AGBL4: variants seen among roughly 807,000 people sequenced by gnomAD.
The protein encoded by AGBL4 is AGBL carboxypeptidase 4, also known as cytosolic carboxypeptidase 6.
In AGBL4, 58 loss-of-function variants were observed where a neutral mutation model predicts 66.4. The observed-to-expected ratio is 0.87, with a 90% confidence interval of 0.71 to 1.09. AGBL4 has a LOEUF of 1.09. Among genes scored for constraint, AGBL4 ranks in the 50% least tolerant of loss-of-function variants. The pLI is 0.00. For missense variants in AGBL4, 579 were observed against 631.0 expected, an observed-to-expected ratio of 0.92 and a Z score of 0.88; for synonymous variants, 234 against 222.9, an observed-to-expected ratio of 1.05 and a Z score of -0.44.
In AGBL4 at chr1:49,984,108, T is replaced by C. The variant is rs111764553; in HGVS notation, c.34+39655A>G. Among the ~76,000 whole-genome samples, 668 of 152,316 alleles carry C rather than the reference T, an allele frequency of 4.4e-3. 9 individuals carry two copies. Among genetic ancestry groups the C allele is most frequent in the African/African-American group, 0.015 (626 of 41,572 alleles). On this transcript the variant is annotated intron_variant, in intron 1 of 13. Coordinates refer to ENST00000371839, the MANE Select transcript of AGBL4 (RefSeq NM_032785.4). ...GGGTAAAGTCAGGCACTCCTATACT[T>C]AACGAATAAACTATGTTCTAACTGC...
chr1:49,411,416 A>C (rs564855311), intron 3 of AGBL4, among the ~76,000 whole-genome samples: 1 of 152,312 alleles, frequency 6.6e-6, no homozygotes, highest in Admixed American at 6.5e-5. Flanking sequence ...CACTGACTCA[A>C]ATGTTAATCT....
At position 48,949,085 on chromosome 1, in the gene AGBL4, C is replaced by T. The variant is rs563795910; in HGVS notation, c.595-81855G>A. 2.0e-5 allele frequency among the ~76,000 whole-genome samples: 3 copies of T among 152,264 alleles called. No individual in the cohort carries two copies. In the South Asian group the frequency reaches 6.2e-4, roughly 32 times the overall value. ...ACATCTGGAAACTGAGTACAAGACT[C>T]TTGAAACCCCTTGCCCACTTCAAGT... On this transcript the variant is annotated intron_variant, in intron 5 of 13. Transcript: ENST00000371839.
At chr1:48,854,752 T>G (rs954083525) in intron 6 of AGBL4, among the ~76,000 whole-genome samples, 6 of 152,150 alleles carry the variant, frequency 3.9e-5, no homozygotes, top group Non-Finnish European at 7.4e-5. Flanking sequence ...AATCACAGAA[T>G]GAGAAGTGAT....
intron 6 of AGBL4, among the ~76,000 whole-genome samples, chr1:48,830,539 A>G (rs570134462): frequency 1.3e-5 from 2 of 152,336 alleles, no homozygotes; most frequent in East Asian, 3.9e-4. Context: ...TGTATCCACA[A>G]TGTAGGTAAT....
chr1:48,777,836 T>A (rs1645171064), intron 6 of AGBL4, among the ~76,000 whole-genome samples: 1 of 152,204 alleles, frequency 6.6e-6, no homozygotes, highest in South Asian at 2.1e-4. Flanking sequence ...TAGGGATTTC[T>A]GGAGCACTTT....
chr1:49,610,075 T>TA lies in AGBL4; in HGVS notation c.282+87237dup, dbSNP rs747721881. 6.8e-4 allele frequency among the ~76,000 whole-genome samples: 103 copies of TA among 151,756 alleles called. 1 individual carries two copies. Among genetic ancestry groups the TA allele is most frequent in the Non-Finnish European group, 1.1e-3 (76 of 67,878 alleles). ...GTAAGCAAATGCAGGCAATAGAAAA[T>TA]AAAAAATAAAAATAAGATAAAGTTA... is the stretch of plus-strand genomic sequence containing the variant. On this transcript the variant is annotated intron_variant, in intron 3 of 13. Coordinates refer to ENST00000371839, the MANE Select transcript of AGBL4 (RefSeq NM_032785.4).
intron 5 of AGBL4, among the ~76,000 whole-genome samples, chr1:48,986,070 AT>A (rs1427247437): frequency 6.6e-6 from 1 of 152,088 alleles, no homozygotes; most frequent in Non-Finnish European, 1.5e-5. Flanking sequence ...AGACTAGTGA[AT>A]TCGAAGACAT....
At chr1:48,555,986 C>T (rs1025517165) in intron 11 of AGBL4, among the ~76,000 whole-genome samples, 1 of 152,128 alleles carries the variant, frequency 6.6e-6, no homozygotes, top group African/African-American at 2.4e-5. Flanking sequence ...AGGCAGGGAG[C>T]TCTGTGCTCC....
At chr1:48,875,670 G>A (rs1470715597) in intron 5 of AGBL4, among the ~76,000 whole-genome samples, 2 of 152,152 alleles carry the variant, frequency 1.3e-5, no homozygotes, top group Admixed American at 6.5e-5. Flanking sequence ...ACAAAAGCAG[G>A]GCAAGTGGAA....
chr1:49,187,357 T>G (rs1194199134), intron 4 of AGBL4: 1 of 152,154 alleles, frequency 6.6e-6, no homozygotes, highest in African/African-American at 2.4e-5. Context: ...CACACTGCAC[T>G]GTTGTAAGAA....
At chr1:48,700,636 C>G (rs1404441458) in intron 6 of AGBL4, among the ~76,000 whole-genome samples, 3 of 152,170 alleles carry the variant, frequency 2.0e-5, no homozygotes, top group Admixed American at 2.0e-4. Flanking sequence ...AAGATTATTT[C>G]AGCATCCCAA....
At chr1:48,933,447 T>C (rs1655197919) in intron 5 of AGBL4, among the ~76,000 whole-genome samples, 1 of 152,182 alleles carries the variant, frequency 6.6e-6, no homozygotes, top group Non-Finnish European at 1.5e-5. Flanking sequence ...TTTATTTTTT[T>C]AGTTGGGATC....
chr1:49,052,292 C>T (rs1484230522), intron 4 of AGBL4, among the ~76,000 whole-genome samples: 3 of 152,112 alleles, frequency 2.0e-5, no homozygotes, highest in Non-Finnish European at 4.4e-5. Context: ...TGGCAGAATG[C>T]CAATGCAGAC....
intron 3 of AGBL4, among the ~76,000 whole-genome samples, chr1:49,673,082 A>C (rs1646513060): frequency 6.6e-6 from 1 of 152,168 alleles, no homozygotes; most frequent in Admixed American, 6.5e-5. Flanking sequence ...AGTTGACCCC[A>C]CACATGAAAC....
intron 6 of AGBL4, among the ~76,000 whole-genome samples, chr1:48,802,728 C>T (rs1645837534): frequency 6.6e-6 from 1 of 152,304 alleles, no homozygotes; most frequent in East Asian, 1.9e-4. Flanking sequence ...CAGTAATATC[C>T]AGAGCCTGTC....
chr1:48,711,208 G>C (rs546954663), intron 6 of AGBL4, among the ~76,000 whole-genome samples: 1 of 152,316 alleles, frequency 6.6e-6, no homozygotes, highest in Admixed American at 6.5e-5. Context: ...GCACTCTTGG[G>C]GGGCTGTGGA....
chr1:49,254,193 AG>A (rs1226176140), intron 3 of AGBL4, among the ~76,000 whole-genome samples: 1 of 152,190 alleles, frequency 6.6e-6, no homozygotes, highest in Admixed American at 6.5e-5. Context: ...AAAGAAATAA[AG>A]GGCATCCAAA....
chr1:49,881,323 A>T (rs1647278231), intron 1 of AGBL4, among the ~76,000 whole-genome samples: 1 of 152,108 alleles, frequency 6.6e-6, no homozygotes, highest in South Asian at 2.1e-4. Flanking sequence ...AGTCTTTGCT[A>T]TTGTGAATAG....
chr1:49,481,133 G>A (rs890510782), intron 3 of AGBL4, among the ~76,000 whole-genome samples: 1 of 152,068 alleles, frequency 6.6e-6, no homozygotes, highest in East Asian at 1.9e-4. Context: ...GGTTCCACAT[G>A]AATTTTAAAA....
Sources: gnomAD v4.1 joint callset for allele counts (sites outside exome capture counted in the v4.1 genomes callset) on GRCh38, gnomAD v4.1.1 for gene constraint, MANE v1.5 for transcripts, NCBI Gene and HGNC (gene_info 2026-07-23, HGNC 2026-07-21) for gene names.